GPR149: variants seen among roughly 807,000 people sequenced by gnomAD.
GPR149 encodes probable G protein-coupled receptor 149.
Under a neutral mutation model 50.2 loss-of-function variants are expected in GPR149, and 50 were observed. The ratio of observed to expected loss-of-function variants is 1.00; its 90% CI spans 0.79 to 1.26. The LOEUF (loss-of-function observed/expected upper bound fraction) is 1.26, where lower values mean the gene tolerates loss of function less well. Among genes scored for constraint, GPR149 ranks in the 50% most tolerant of loss-of-function variants. The pLI is 0.00. For missense variants in GPR149, 983 were observed against 895.4 expected, an observed-to-expected ratio of 1.10 and a Z score of -1.25; for synonymous variants, 405 against 358.2, an observed-to-expected ratio of 1.13 and a Z score of -1.48.
intron 3 of GPR149, among the ~76,000 whole-genome samples, chr3:154,420,175 T>C (rs1288965849): frequency 6.6e-6 from 1 of 152,014 alleles, no homozygotes; most frequent in African/African-American, 2.4e-5. Flanking sequence ...ATAATGCTTT[T>C]GATTCCAGAG....
intron 3 of GPR149, among the ~76,000 whole-genome samples, chr3:154,398,383 T>G (rs1715343542): frequency 6.6e-6 from 1 of 152,184 alleles, no homozygotes; most frequent in Non-Finnish European, 1.5e-5. Flanking sequence ...CAAAAAAAGT[T>G]TCACTGGAGA....
chr3:154,405,440 T>C lies in GPR149; in HGVS notation c.1623+15599A>G, dbSNP rs1218495205. ...CGTCTCTACTAAAGATACAAAAAAT[T>C]AGCTGGGCATGGTGGCTTGCGCCTG... On this transcript the variant is annotated intron_variant, in intron 3 of 3. Transcript: ENST00000389740. Among the ~76,000 whole-genome samples the C allele has an allele frequency of 2.0e-5, 3 of 151,956 alleles. No homozygotes were observed. In the East Asian group the frequency reaches 5.8e-4, roughly 29 times the overall value.
intron 3 of GPR149, among the ~76,000 whole-genome samples, chr3:154,388,871 A>AT (rs372504228): frequency 1.4e-5 from 2 of 144,844 alleles, no homozygotes; most frequent in Non-Finnish European, 3.0e-5. Flanking sequence ...ACATATGAAA[A>AT]ACACACACAC....
chr3:154,338,111 T>A lies in GPR149; in HGVS notation c.1784A>T (p.Lys595Ile). 6.2e-7 allele frequency: 1 copy of A among 1,614,170 alleles called. No individual in the cohort carries two copies. Among genetic ancestry groups the A allele is most frequent in the South Asian group, 1.1e-5 (1 of 91,082 alleles). Residue 595 changes from lysine to isoleucine, a missense_variant, in exon 4 of 4, where the codon AAA becomes ATA. By Grantham distance (102) the Lys-to-Ile change is moderately radical. Transcript: ENST00000389740. ...ASKKIEVYRS[K>I]SVGHEPNSED... ...TGAGTTTGGTTCATGGCCAACACTT[T>A]TGGATCGATAGACTTCTATTTTCTT... is the stretch of plus-strand genomic sequence containing the variant.
intron 3 of GPR149, chr3:154,353,901 A>G (rs964015384): frequency 1.8e-6 from 1 of 548,848 alleles, no homozygotes; most frequent in Non-Finnish European, 3.4e-6. Flanking sequence ...GTCTCTTCAG[A>G]AATACGGAAA....
rs774263365 is a variant in GPR149, at chr3:154,337,923, C to A, written c.1972G>T (p.Glu658Ter). Residue 658 changes from glutamate (E) to a stop codon, truncating the protein, a stop_gained, in exon 4 of 4, where the codon GAA (glutamate) becomes TAA (stop). Coordinates refer to ENST00000389740, the MANE Select transcript of GPR149 (RefSeq NM_001038705.3). LOFTEE classifies it high-confidence loss of function. ...RSPSLRYSRKENRFVSCDLGE... is the reference protein window; with the variant it reads ...RSPSLRYSRK ...AGGTCACATGAAACAAATCTGTTTT[C>A]TTTCCTGGAGTAACGTAGGGATGGA... 6.2e-7 allele frequency: 1 copy of A among 1,612,812 alleles called. No individual in the cohort carries two copies. The highest frequency in any genetic ancestry group is 1.1e-5 in the South Asian group (1 of 90,920).
intron 3 of GPR149, among the ~76,000 whole-genome samples, chr3:154,338,487 AC>A (rs1713710165): frequency 1.3e-5 from 2 of 152,166 alleles, no homozygotes; most frequent in African/African-American, 4.8e-5. Flanking sequence ...GTAGTTAGGA[AC>A]CTTTATTTGA....
chr3:154,345,787 A>G (rs895682695), intron 3 of GPR149, among the ~76,000 whole-genome samples: 3 of 152,208 alleles, frequency 2.0e-5, no homozygotes, highest in Admixed American at 6.5e-5. Context: ...TGATAATCTG[A>G]ATCATTCAAT....
chr3:154,357,987 G>A (rs1051166154), intron 3 of GPR149, among the ~76,000 whole-genome samples: 15 of 152,160 alleles, frequency 9.9e-5, no homozygotes. Context: ...CATGTCCTTT[G>A]TAGGGACATG....
At chr3:154,379,954 A>C (rs182745774) in intron 3 of GPR149, among the ~76,000 whole-genome samples, 2 of 152,192 alleles carry the variant, frequency 1.3e-5, no homozygotes, top group Admixed American at 1.3e-4. Context: ...TTTTCTGTTC[A>C]TCTTTTGGTA....
intron 3 of GPR149, chr3:154,352,071 G>A: frequency 2.1e-6 from 1 of 476,300 alleles, no homozygotes; most frequent in Non-Finnish European, 3.6e-6. Flanking sequence ...CTAATTTTTG[G>A]TGGATAATAT....
chr3:154,412,318 C>T (rs993725788), intron 3 of GPR149, among the ~76,000 whole-genome samples: 2 of 152,008 alleles, frequency 1.3e-5, no homozygotes, highest in Non-Finnish European at 2.9e-5. Context: ...TTCATCACTT[C>T]TGTTCAACAT....
intron 3 of GPR149, among the ~76,000 whole-genome samples, chr3:154,361,567 A>G (rs560595490): frequency 2.0e-5 from 3 of 152,130 alleles, no homozygotes; most frequent in Non-Finnish European, 4.4e-5. Flanking sequence ...GTATATTTTA[A>G]TTTTACAGGG....
intron 3 of GPR149, among the ~76,000 whole-genome samples, chr3:154,368,372 A>C (rs1714590655): frequency 6.6e-6 from 1 of 152,238 alleles, no homozygotes; most frequent in African/African-American, 2.4e-5. Context: ...TCCAGGGTTT[A>C]GGCAGGTATC....
intron 3 of GPR149, among the ~76,000 whole-genome samples, chr3:154,339,327 C>T (rs1307889610): frequency 1.3e-5 from 2 of 152,092 alleles, no homozygotes; most frequent in Admixed American, 6.5e-5. Context: ...GGATCCATTG[C>T]TCTAACTAAA....
intron 2 of GPR149, among the ~76,000 whole-genome samples, chr3:154,425,803 G>A (rs917789112): frequency 2.0e-5 from 3 of 152,078 alleles, no homozygotes; most frequent in Admixed American, 6.5e-5. Flanking sequence ...CTAGCCTGCC[G>A]TAAGACTCTT....
chr3:154,355,072 G>A (rs1714186667), intron 3 of GPR149, among the ~76,000 whole-genome samples: 1 of 152,124 alleles, frequency 6.6e-6, no homozygotes, highest in Non-Finnish European at 1.5e-5. Context: ...CTGTCACCCA[G>A]GCTGGAGTGC....
At chr3:154,377,609 C>T (rs1714823832) in intron 3 of GPR149, among the ~76,000 whole-genome samples, 1 of 151,998 alleles carries the variant, frequency 6.6e-6, no homozygotes, top group African/African-American at 2.4e-5. Flanking sequence ...CACGTGATCC[C>T]TTCGTCTCTG....
intron 3 of GPR149, among the ~76,000 whole-genome samples, chr3:154,366,440 G>A (rs901022634): frequency 2.6e-5 from 4 of 152,202 alleles, no homozygotes; most frequent in African/African-American, 4.8e-5. Context: ...ATTTGCATCT[G>A]TAGACAATCT....
Sources: gnomAD v4.1 joint callset for allele counts (sites outside exome capture counted in the v4.1 genomes callset) on GRCh38, gnomAD v4.1.1 for gene constraint, MANE v1.5 for transcripts, NCBI Gene and HGNC (gene_info 2026-07-23, HGNC 2026-07-21) for gene names.